Variants in PCDHGA1 observed in about 807,000 individuals in gnomAD.
The protein encoded by PCDHGA1 is protocadherin gamma-A1.
In PCDHGA1, 32 loss-of-function variants were observed where a neutral mutation model predicts 58.0. That is an observed-to-expected ratio of 0.55 (90% confidence interval 0.42 to 0.74). PCDHGA1 has a LOEUF of 0.74. PCDHGA1 is among the 30% of genes least tolerant of loss of function. The pLI, the probability that PCDHGA1 is intolerant of heterozygous loss-of-function variation, is 0.00. For synonymous variants in PCDHGA1, 498 were observed against 501.1 expected, an observed-to-expected ratio of 0.99 and a Z score of 0.08; for missense variants, 1,205 against 1,182.3, an observed-to-expected ratio of 1.02 and a Z score of -0.28.
At chr5:141,393,722 A>T in intron 1 of PCDHGA1, 1 of 1,613,892 alleles carries the variant, frequency 6.2e-7, no homozygotes, top group Non-Finnish European at 8.5e-7. Context: ...AAATATCAAT[A>T]GCAAAAAGTC....
At position 141,432,993 on chromosome 5, in the gene PCDHGA1, G is replaced by C. The variant is rs749499789; in HGVS notation, c.2422-61814G>C. 7 of 1,614,208 alleles carry C rather than the reference G, an allele frequency of 4.3e-6. No homozygotes were observed. In the South Asian group the frequency reaches 7.7e-5, roughly 18 times the overall value. On this transcript the variant is annotated intron_variant, in intron 1 of 3. Transcript: ENST00000517417. This position sits in a 1 kb window ranked among gnomAD's most constrained non-coding sequence, Gnocchi z 6.0. ...GCGTCGCACTTTGTGGGCGTGGACG[G>C]GGTGCAGGCTTTCCTGCAGACCTAT...
intron 1 of PCDHGA1, chr5:141,390,007 C>G (rs778827419): frequency 1.9e-6 from 3 of 1,614,058 alleles, no homozygotes; most frequent in South Asian, 2.2e-5. Context: ...ATGATTCTGG[C>G]CATTGCCTTG....
chr5:141,341,053 G>T lies in PCDHGA1; in HGVS notation c.2421+7948G>T. 1.9e-6 allele frequency: 3 copies of T among 1,614,188 alleles called. No individual in the cohort carries two copies. In the East Asian group the frequency reaches 6.7e-5, roughly 36 times the overall value. On this transcript the variant is annotated intron_variant, in intron 1 of 3. Coordinates refer to ENST00000517417, the MANE Select transcript of PCDHGA1 (RefSeq NM_018912.3). The stretch of plus-strand genomic sequence containing the variant: ...ATTCGGACCTCACTCTGTACCTGGT[G>T]GTGGCGGTGGCCGCGGTCTCCTGCG...
Position 141,346,237 on chromosome 5 carries a change from C to T in PCDHGA1, c.2421+13132C>T, listed in dbSNP as rs769767532. The T allele has an allele frequency of 3.5e-5, 56 of 1,614,130 alleles. No individual in the cohort carries two copies. In the African/African-American group the frequency reaches 6.4e-4, roughly 18 times the overall value. On this transcript the variant is annotated intron_variant, in intron 1 of 3. Transcript: ENST00000517417. Reference sequence around the variant, plus strand: ...GCTTCGGGAGGCGGCTTGGCGAGTACGCCCGGCTCGCACTTTGTGGGCGCG... The same window carrying T: ...GCTTCGGGAGGCGGCTTGGCGAGTATGCCCGGCTCGCACTTTGTGGGCGCG...
intron 1 of PCDHGA1, chr5:141,414,799 G>T (rs1177065576): frequency 1.9e-6 from 3 of 1,614,096 alleles, no homozygotes; most frequent in Non-Finnish European, 2.5e-6. Flanking sequence ...CAGCGACAGC[G>T]GGGATCCTCC....
intron 2 of PCDHGA1, among the ~76,000 whole-genome samples, chr5:141,499,983 C>T (rs765029745): frequency 5.3e-5 from 8 of 151,352 alleles, no homozygotes; most frequent in African/African-American, 9.7e-5. Context: ...CCACCTTGCC[C>T]GGCCAGATGA....
At chr5:141,336,097 A>G (rs1398141489) in intron 1 of PCDHGA1, among the ~76,000 whole-genome samples, 1 of 152,214 alleles carries the variant, frequency 6.6e-6, no homozygotes, top group Non-Finnish European at 1.5e-5. Flanking sequence ...TGGAAAAAAT[A>G]ACAAAGAGTT....
Position 141,414,991 on chromosome 5 carries a change from G to A in PCDHGA1, c.2422-79816G>A, listed in dbSNP as rs1162432290. ...GGTGGACAGAGACTCCGGCCAGAAC[G>A]CCTGGCTGTCCTACCGTCTGCTCAA... On this transcript the variant is annotated intron_variant, in intron 1 of 3. Transcript: ENST00000517417. 10 of 1,613,648 alleles carry A rather than the reference G, an allele frequency of 6.2e-6. No homozygotes were observed. The Admixed American group carries it at 1.2e-4, about 19-fold the overall frequency.
chr5:141,371,287 C>T, intron 1 of PCDHGA1: 2 of 1,613,928 alleles, frequency 1.2e-6, no homozygotes, highest in South Asian at 1.1e-5. Flanking sequence ...GACAGTAAAA[C>T]GGGGGAACTC....
At chr5:141,382,663 G>T (rs1236015442) in intron 1 of PCDHGA1, 1 of 419,258 alleles carries the variant, frequency 2.4e-6, no homozygotes, top group African/African-American at 2.0e-5. Context: ...GACTCACAGC[G>T]CCGCTGTTCA....
Position 141,476,263 on chromosome 5 carries a change from C to T in PCDHGA1, c.2422-18544C>T. 1 of 1,613,940 alleles carries T rather than the reference C, an allele frequency of 6.2e-7. No individual in the cohort carries two copies. The highest frequency in any genetic ancestry group is 8.5e-7 in the Non-Finnish European group (1 of 1,180,010). Reference sequence around the variant, plus strand: ...GAGAGAAGGGTTTCGCTGTGGGCAACGTGGTCGCGAACCTTGGTTTGGATC... The same window carrying T: ...GAGAGAAGGGTTTCGCTGTGGGCAATGTGGTCGCGAACCTTGGTTTGGATC... On this transcript the variant is annotated intron_variant, in intron 1 of 3. Transcript: ENST00000517417. The surrounding 1 kb of genome is among the most constrained non-coding windows in gnomAD (Gnocchi z 7.6).
chr5:141,428,305 G>T (rs751498223), intron 1 of PCDHGA1: 8 of 694,348 alleles, frequency 1.2e-5, no homozygotes. Flanking sequence ...GATTTACCTG[G>T]TCGTGGCCTT....
In PCDHGA1 at chr5:141,409,864, C is replaced by A. The variant is rs772646188; in HGVS notation, c.2421+76759C>A. The A allele has an allele frequency of 1.9e-6, 3 of 1,612,574 alleles. No individual in the cohort carries two copies. The East Asian group carries it at 6.7e-5, about 36-fold the overall frequency. Reference sequence around the variant, plus strand: ...TGAGCCTGCGCGTGTTGGTGGGAGACCGCAATGACAACGCACCGCGGGTGC... The same window carrying A: ...TGAGCCTGCGCGTGTTGGTGGGAGAACGCAATGACAACGCACCGCGGGTGC... On this transcript the variant is annotated intron_variant, in intron 1 of 3. Transcript: ENST00000517417.
In PCDHGA1 at chr5:141,371,282, T is replaced by G. The variant is rs201701201; in HGVS notation, c.2421+38177T>G. On this transcript the variant is annotated intron_variant, in intron 1 of 3. Coordinates refer to ENST00000517417, the MANE Select transcript of PCDHGA1 (RefSeq NM_018912.3). ...TGAGACAACTGTTCAAGCTGGACAG[T>G]AAAACGGGGGAACTCACCACTATTG... 2.0e-4 allele frequency: 326 copies of G among 1,613,828 alleles called. 2 individuals are homozygous for G. The highest frequency in any genetic ancestry group is 4.9e-4 in the Middle Eastern group (3 of 6,084).
intron 1 of PCDHGA1, chr5:141,388,629 G>T (rs755930967): frequency 6.2e-7 from 1 of 1,613,942 alleles, no homozygotes. Context: ...CGTATACAGG[G>T]TGAGCCTTTC....
Position 141,332,772 on chromosome 5 carries a change from G to A in PCDHGA1, c.2088G>A (p.Ala696=), listed in dbSNP as rs762914963. ...ACCTCACTCTGTACCTGGTGGTGGCGGCGGCCGCGGTCTCCTGCGTCTTCC... is the reference window on the plus strand; with the variant it reads ...ACCTCACTCTGTACCTGGTGGTGGCAGCGGCCGCGGTCTCCTGCGTCTTCC... ...DSDLTLYLVV[A]AAAVSCVFLA... is the part of the protein sequence containing the mutation. The change falls in exon 1 of 4, where the codon GCG becomes GCA. Residue 696 remains alanine (A), a synonymous_variant. Transcript: ENST00000517417. This position sits in a 1 kb window ranked among gnomAD's most constrained non-coding sequence, Gnocchi z 4.6. 6.1e-5 allele frequency: 99 copies of A among 1,613,976 alleles called. No individual in the cohort carries two copies. Among genetic ancestry groups the A allele is most frequent in the Non-Finnish European group, 8.1e-5 (96 of 1,179,998 alleles).
At chr5:141,340,273 G>A (rs369542772) in intron 1 of PCDHGA1, 3 of 1,613,942 alleles carry the variant, frequency 1.9e-6, no homozygotes, top group Admixed American at 1.7e-5. Flanking sequence ...CCCTGTCCAC[G>A]GATGCTCACA....
At chr5:141,350,243 C>G (rs750200716) in intron 1 of PCDHGA1, 2 of 1,505,416 alleles carry the variant, frequency 1.3e-6, no homozygotes, top group Non-Finnish European at 1.8e-6. Context: ...GAAAGAAGCT[C>G]CGCGGAGAGT....
At chr5:141,372,507 C>G (rs1393188281) in intron 1 of PCDHGA1, 1 of 1,614,044 alleles carries the variant, frequency 6.2e-7, no homozygotes, top group Non-Finnish European at 8.5e-7. Context: ...GCTCTTCCTC[C>G]TCGCGGTGAT....
Sources: gnomAD v4.1 joint callset for allele counts (sites outside exome capture counted in the v4.1 genomes callset) on GRCh38, gnomAD v4.1.1 for gene constraint, Gnocchi (gnomAD v3.1) non-coding constraint, MANE v1.5 for transcripts, NCBI Gene and HGNC (gene_info 2026-07-23, HGNC 2026-07-21) for gene names.